TXNRD1: variants seen among roughly 807,000 people sequenced by gnomAD.
TXNRD1 encodes thioredoxin reductase 1, cytoplasmic.
TXNRD1 carries 57 observed loss-of-function variants against 80.3 expected under a neutral mutation model. That is an observed-to-expected ratio of 0.71 (90% confidence interval 0.57 to 0.89). The LOEUF (loss-of-function observed/expected upper bound fraction) is 0.89, where lower values mean the gene tolerates loss of function less well. TXNRD1 is among the 40% of genes least tolerant of loss of function. TXNRD1 has a pLI of 0.00. For missense variants in TXNRD1, 730 were observed against 803.0 expected (o/e 0.91, Z 1.10); for synonymous variants, 291 against 285.2 (o/e 1.02, Z -0.20).
chr12:104,246,473 T>G (rs1163726879), intron 1 of TXNRD1, among the ~76,000 whole-genome samples: 1 of 149,652 alleles, frequency 6.7e-6, no homozygotes, highest in Non-Finnish European at 1.5e-5. Context: ...CCCCAAATTA[T>G]CAAGTCATCA....
In TXNRD1 at chr12:104,252,924, G is replaced by C. The variant is rs374093339; in HGVS notation, c.243+1246G>C. Among the ~76,000 whole-genome samples the C allele has an allele frequency of 1.6e-4, 24 of 151,242 alleles. 1 individual carries two copies. The South Asian group carries it at 3.5e-3, about 22-fold the overall frequency. On this transcript the variant is annotated intron_variant, in intron 2 of 16. Transcript: ENST00000525566. ...TCACTGTGTTAGCCAAGATGGCCTC[G>C]ATCTCCTGACCTTGTGATCCACCTG...
chr12:104,271,869 C>CAAA (rs35994527), intron 3 of TXNRD1, among the ~76,000 whole-genome samples: 1 of 138,128 alleles, frequency 7.2e-6, no homozygotes, highest in Non-Finnish European at 1.5e-5. Flanking sequence ...GACTCCATCT[C>CAAA]AAAAAAAAAA....
intron 4 of TXNRD1, chr12:104,303,974 G>A (rs762279529): frequency 6.2e-7 from 1 of 1,605,702 alleles, no homozygotes; most frequent in Admixed American, 1.7e-5. Flanking sequence ...GGGCTGCTCC[G>A]ACGACCTCAG....
intron 1 of TXNRD1, among the ~76,000 whole-genome samples, chr12:104,220,713 G>A (rs12320661): frequency 0.13 from 14,673 of 116,966 alleles, 1,327 homozygotes; most frequent in African/African-American, 0.28. Context: ...TGATGAGAAC[G>A]AAACTCCGTC....
Position 104,326,443 on chromosome 12 carries a change from T to G in TXNRD1, c.1385+20T>G, listed in dbSNP as rs371712232. 37 of 1,410,666 alleles carry G rather than the reference T, an allele frequency of 2.6e-5. 1 individual carries two copies. The African/African-American group carries it at 5.0e-4, about 19-fold the overall frequency. The allele number at this position is 1,410,666 out of a possible 1,614,324, so 87.4% of individuals were successfully genotyped here. A position where few individuals can be genotyped will look rare whatever the true frequency, so the allele number is the denominator to read the frequency against. ...TGAAAAGTAAGAAAAAAATCTTTAT[T>G]ATGTCATATTTGTGGGATTTTTTTT... On this transcript the variant is annotated intron_variant, in intron 12 of 16. Coordinates refer to ENST00000525566, the MANE Select transcript of TXNRD1 (RefSeq NM_001093771.3).
At chr12:104,241,476 T>C (rs1252139057) in intron 1 of TXNRD1, among the ~76,000 whole-genome samples, 1 of 152,118 alleles carries the variant, frequency 6.6e-6, no homozygotes, top group African/African-American at 2.4e-5. Context: ...GTTGAAGCGA[T>C]TCTCCTGACT....
At chr12:104,265,210 C>T (rs2033449064) in intron 3 of TXNRD1, 2 of 1,094,382 alleles carry the variant, frequency 1.8e-6, no homozygotes, top group Non-Finnish European at 2.6e-6. Context: ...TGAGATCACA[C>T]CACTGCACTC....
At chr12:104,345,679 T>C (rs1383362274) in intron 16 of TXNRD1, among the ~76,000 whole-genome samples, 2 of 94,190 alleles carry the variant, frequency 2.1e-5, no homozygotes, top group African/African-American at 4.2e-5. Context: ...AAAACAATAG[T>C]TCAAGAGGAA....
chr12:104,325,067 AGCTT>A (rs547366270), intron 10 of TXNRD1, among the ~76,000 whole-genome samples: 38 of 152,300 alleles, frequency 2.5e-4, no homozygotes, highest in Admixed American at 1.2e-3. Context: ...TGCTTTCTGT[AGCTT>A]GCTTTTCCCC....
intron 1 of TXNRD1, among the ~76,000 whole-genome samples, chr12:104,228,301 CAAA>C (rs11349965): frequency 1.5e-4 from 17 of 116,322 alleles, no homozygotes; most frequent in Non-Finnish European, 1.6e-4. Context: ...AACTCCATCT[CAAA>C]AAAAAAAAAA....
intron 1 of TXNRD1, chr12:104,224,797 C>G (rs779772455): frequency 2.0e-5 from 9 of 455,896 alleles, no homozygotes; most frequent in Non-Finnish European, 3.5e-5. Flanking sequence ...TTTTCTCCCC[C>G]ACTGTTTGAT....
In TXNRD1 at chr12:104,288,966, T is replaced by A; in HGVS notation, c.340T>A (p.Leu114Met). 6.2e-7 allele frequency: 1 copy of A among 1,614,062 alleles called. No individual in the cohort carries two copies. Among genetic ancestry groups the A allele is most frequent in the African/African-American group, 1.3e-5 (1 of 75,068 alleles). ...GRALEGTLSE[L>M]AAETDLPVVF... ...GGCCCTGGAAGGAACGCTCTCGGAA[T>A]TGGCCGCGGAAACCGATCTGCCCGT... The change falls in exon 4 of 17, where the codon TTG becomes ATG. Residue 114 changes from leucine (L) to methionine (M), a missense_variant. Leu to Met is a conservative substitution (Grantham distance 15). Coordinates refer to ENST00000525566, the MANE Select transcript of TXNRD1 (RefSeq NM_001093771.3).
At chr12:104,343,645 C>CA (rs1275571241) in intron 16 of TXNRD1, among the ~76,000 whole-genome samples, 1 of 152,022 alleles carries the variant, frequency 6.6e-6, no homozygotes, top group Admixed American at 6.6e-5. Flanking sequence ...CCAAAAATAA[C>CA]AAAAAAATAA....
At chr12:104,319,147 G>A in intron 8 of TXNRD1, 92 bp downstream of exon 8, 1 of 1,410,216 alleles carries the variant, frequency 7.1e-7, no homozygotes, top group Non-Finnish European at 9.5e-7. Flanking sequence ...TATAATAAAA[G>A]TAATAGCCAC....
At chr12:104,266,738 C>T (rs900373787) in intron 3 of TXNRD1, among the ~76,000 whole-genome samples, 2 of 151,758 alleles carry the variant, frequency 1.3e-5, no homozygotes, top group South Asian at 2.1e-4. Flanking sequence ...CCGAGGCGAG[C>T]GGATCACGAG....
chr12:104,347,573 A>G (rs1005636758), intron 16 of TXNRD1, among the ~76,000 whole-genome samples: 3 of 152,160 alleles, frequency 2.0e-5, no homozygotes, highest in African/African-American at 7.2e-5. Context: ...CTGCCCTCTG[A>G]CTCAGCAGTT....
At chr12:104,320,306 G>T (rs1019745802) in intron 9 of TXNRD1, among the ~76,000 whole-genome samples, 1 of 152,100 alleles carries the variant, frequency 6.6e-6, no homozygotes, top group Non-Finnish European at 1.5e-5. Flanking sequence ...GCTCTTTTTG[G>T]TATATGCTTT....
intron 10 of TXNRD1, among the ~76,000 whole-genome samples, chr12:104,324,646 G>A (rs1209564828): frequency 1.4e-5 from 2 of 146,756 alleles, no homozygotes; most frequent in African/African-American, 2.5e-5. Context: ...CACCGCACCC[G>A]ACCCCAGGTG....
At chr12:104,338,538 T>C (rs1007218094) in intron 15 of TXNRD1, among the ~76,000 whole-genome samples, 1 of 150,628 alleles carries the variant, frequency 6.6e-6, no homozygotes, top group African/African-American at 2.4e-5. Context: ...CTACTAAAAA[T>C]ACAAAAAAAT....
Sources: gnomAD v4.1 joint callset for allele counts (sites outside exome capture counted in the v4.1 genomes callset) on GRCh38, gnomAD v4.1.1 for gene constraint, MANE v1.5 for transcripts, NCBI Gene and HGNC (gene_info 2026-07-23, HGNC 2026-07-21) for gene names.